The following DACH2 variants were observed in gnomAD, a reference collection of about 807,000 sequenced individuals.
DACH2 encodes dachshund homolog 2.
A neutral mutation model predicts 35.8 loss-of-function variants in DACH2; 17 were observed. The observed-to-expected ratio is 0.48, with a 90% CI of 0.33 to 0.71. DACH2 has a LOEUF of 0.71. Ranked by LOEUF, DACH2 falls within the 30% of genes least tolerant of loss-of-function variation. The pLI is 0.02. For synonymous variants in DACH2, 195 were observed against 177.3 expected (o/e 1.10, Z -0.79); for missense variants, 469 against 472.7 (o/e 0.99, Z 0.07).
chrX:86,464,486 C>T (rs185971705), intron 2 of DACH2, among the ~76,000 whole-genome samples: 26 of 110,057 alleles, frequency 2.4e-4, no homozygotes, highest in South Asian at 7.8e-4. Flanking sequence ...ACATGGATAC[C>T]GGGAAGGGAA....
At chrX:86,195,520 A>G (rs1424647225) in intron 1 of DACH2, among the ~76,000 whole-genome samples, 3 of 111,510 alleles carry the variant, frequency 2.7e-5, no homozygotes, top group African/African-American at 9.8e-5. Context: ...TGCCTCTGCC[A>G]TTGTAGTGAA....
intron 2 of DACH2, among the ~76,000 whole-genome samples, chrX:86,506,677 A>G (rs1569423697): frequency 8.9e-6 from 1 of 111,824 alleles, no homozygotes; most frequent in Non-Finnish European, 1.9e-5. Flanking sequence ...TATAGGCATG[A>G]ACCACCACAC....
At chrX:86,624,838 C>G (rs2040114643) in intron 3 of DACH2, among the ~76,000 whole-genome samples, 1 of 111,173 alleles carries the variant, frequency 9.0e-6, no homozygotes, top group Admixed American at 9.6e-5. Context: ...TTCTCATCAC[C>G]AAGATGGTAT....
intron 4 of DACH2, among the ~76,000 whole-genome samples, chrX:86,670,915 T>C (rs1438560400): frequency 1.8e-5 from 2 of 112,078 alleles, no homozygotes; most frequent in Non-Finnish European, 3.8e-5. Flanking sequence ...CTCTATTGTC[T>C]TTTCTGAGGA....
chrX:86,510,390 C>T (rs1339265277), intron 2 of DACH2, among the ~76,000 whole-genome samples: 1 of 111,834 alleles, frequency 8.9e-6, no homozygotes, highest in East Asian at 2.8e-4. Flanking sequence ...AGGGAATTGC[C>T]AACTCTACAA....
chrX:86,607,142 ACT>A (rs1187571365), intron 3 of DACH2, among the ~76,000 whole-genome samples: 1 of 110,143 alleles, frequency 9.1e-6, no homozygotes, highest in Non-Finnish European at 1.9e-5. Flanking sequence ...TATTTCAATC[ACT>A]CTATGTCTTT....
At chrX:86,417,231 C>A (rs994638013) in intron 2 of DACH2, among the ~76,000 whole-genome samples, 1 of 110,605 alleles carries the variant, frequency 9.0e-6, no homozygotes, top group African/African-American at 3.3e-5. Context: ...CATCTCCCAT[C>A]TGGCTCAACT....
intron 3 of DACH2, among the ~76,000 whole-genome samples, chrX:86,593,866 TAGTGAGGA>T (rs1422892206): frequency 4.5e-5 from 5 of 111,656 alleles, no homozygotes; most frequent in Non-Finnish European, 9.4e-5. Context: ...CTCATAGAAT[TAGTGAGGA>T]AGTATTCCAT....
chrX:86,517,418 T>C (rs980200163), intron 3 of DACH2, among the ~76,000 whole-genome samples: 7 of 84,701 alleles, frequency 8.3e-5, no homozygotes, highest in Non-Finnish European at 1.1e-4. Flanking sequence ...CTTTGCCCAC[T>C]TTTTTTTTTT....
intron 3 of DACH2, among the ~76,000 whole-genome samples, chrX:86,628,460 A>T (rs2040162136): frequency 8.9e-6 from 1 of 112,080 alleles, no homozygotes; most frequent in Non-Finnish European, 1.9e-5. Flanking sequence ...TTACATCATA[A>T]TTCGGGCTAG....
At chrX:86,802,656 A>G (rs1314920319) in intron 7 of DACH2, among the ~76,000 whole-genome samples, 3 of 110,454 alleles carry the variant, frequency 2.7e-5, no homozygotes, top group African/African-American at 9.9e-5. Context: ...AAGCAAACCT[A>G]TATTAGAATC....
intron 3 of DACH2, among the ~76,000 whole-genome samples, chrX:86,584,877 G>C (rs895439176): frequency 9.0e-6 from 1 of 110,705 alleles, no homozygotes; most frequent in Non-Finnish European, 1.9e-5. Context: ...CCAGTTTTTA[G>C]CTTTCATTAT....
chrX:86,387,295 A>G (rs950038479), intron 2 of DACH2, among the ~76,000 whole-genome samples: 1 of 111,722 alleles, frequency 9.0e-6, no homozygotes, highest in African/African-American at 3.2e-5. Flanking sequence ...CTTGGAGCCT[A>G]TAATTTGTTA....
intron 3 of DACH2, among the ~76,000 whole-genome samples, chrX:86,540,833 A>G (rs753847171): frequency 8.9e-6 from 1 of 111,965 alleles, no homozygotes; most frequent in African/African-American, 3.2e-5. Context: ...AAATATAATA[A>G]ATTAACATAA....
intron 5 of DACH2, among the ~76,000 whole-genome samples, chrX:86,708,107 C>G (rs1159016843): frequency 9.2e-6 from 1 of 108,199 alleles, no homozygotes; most frequent in Non-Finnish European, 1.9e-5. Context: ...AATAAAAACT[C>G]TTAGAAAAAA....
At position 86,537,179 on chromosome X, in the gene DACH2, C is replaced by G. The variant is rs995305303; in HGVS notation, c.640+22788C>G. On this transcript the variant is annotated intron_variant, in intron 3 of 11. Transcript: ENST00000373125. ...TTCTAGCTTGTACTATCCAGTGTGT[C>G]AAATCAAGCCACCCTTGGACCCACA... Among the ~76,000 whole-genome samples, 5 of 111,657 alleles carry G rather than the reference C, an allele frequency of 4.5e-5. No homozygotes were observed. In the Admixed American group the frequency reaches 4.8e-4, roughly 11 times the overall value.
At chrX:86,827,251 C>T (rs2042570648) in intron 11 of DACH2, among the ~76,000 whole-genome samples, 1 of 112,009 alleles carries the variant, frequency 8.9e-6, no homozygotes, top group Non-Finnish European at 1.9e-5. Flanking sequence ...ACTGAGGGAA[C>T]ATTGTGGTCA....
chrX:86,697,414 T>G (rs1432142667), intron 5 of DACH2, among the ~76,000 whole-genome samples: 2 of 110,709 alleles, frequency 1.8e-5, no homozygotes, highest in African/African-American at 6.6e-5. Flanking sequence ...ATAAAACCTA[T>G]CACCAAAGGC....
intron 2 of DACH2, among the ~76,000 whole-genome samples, chrX:86,446,267 G>A (rs942560054): frequency 2.0e-5 from 2 of 99,684 alleles, no homozygotes; most frequent in African/African-American, 7.2e-5. Context: ...CTTGTAAGAA[G>A]CATATAGTTG....
Sources: allele counts gnomAD v4.1 joint callset (sites outside exome capture counted in the v4.1 genomes callset), GRCh38; gene constraint gnomAD v4.1.1; transcripts MANE v1.5; gene names NCBI Gene and HGNC (gene_info 2026-07-23, HGNC 2026-07-21).